The following SH3KBP1 variants were observed in gnomAD, a reference collection of about 807,000 sequenced individuals.
SH3KBP1 encodes the protein SH3 domain-containing kinase-binding protein 1.
In SH3KBP1, 8 loss-of-function variants were observed where a neutral mutation model predicts 50.1. That is an observed-to-expected ratio of 0.16 (90% CI 0.09 to 0.29). SH3KBP1 has a LOEUF of 0.29. SH3KBP1 is among the 10% of genes least tolerant of loss of function. SH3KBP1 has a pLI of 1.00. For synonymous variants in SH3KBP1, 227 were observed against 218.6 expected, an observed-to-expected ratio of 1.04 and a Z score of -0.34; for missense variants, 377 against 535.2, an observed-to-expected ratio of 0.70 and a Z score of 2.92.
rs774476592 is a variant in SH3KBP1 at position 19,696,024 on chromosome X, C to T, written c.391-283G>A. Reference sequence around the variant, plus strand: ...ATTTGGCATCTGCTTTGGTTATGAACGTAGGGTAGGTAACACACCAATATT... The same window carrying T: ...ATTTGGCATCTGCTTTGGTTATGAATGTAGGGTAGGTAACACACCAATATT... On this transcript the variant is annotated intron_variant, in intron 4 of 17. Coordinates refer to ENST00000397821, the MANE Select transcript of SH3KBP1 (RefSeq NM_031892.3). Among the ~76,000 whole-genome samples, 11 of 111,921 alleles carry T rather than the reference C, an allele frequency of 9.8e-5. No individual in the cohort carries two copies. The South Asian group carries it at 1.5e-3, about 15-fold the overall frequency.
intron 6 of SH3KBP1, among the ~76,000 whole-genome samples, chrX:19,657,314 A>G (rs1443241518): frequency 1.9e-5 from 2 of 103,859 alleles, no homozygotes; most frequent in Non-Finnish European, 3.9e-5. Context: ...CAGGAAGTTG[A>G]GGTTGCAGTG....
chrX:19,653,300 T>C (rs986493380), intron 6 of SH3KBP1, among the ~76,000 whole-genome samples: 3 of 112,194 alleles, frequency 2.7e-5, no homozygotes, highest in Non-Finnish European at 5.6e-5. Flanking sequence ...AATAATTTTA[T>C]AGACAAAGAT....
At chrX:19,653,707 T>A (rs2062188003) in intron 6 of SH3KBP1, among the ~76,000 whole-genome samples, 1 of 108,120 alleles carries the variant, frequency 9.2e-6, no homozygotes, top group African/African-American at 3.4e-5. Context: ...TAAGACTACG[T>A]CTGAATATAT....
At chrX:19,851,124 G>T (rs1042581365) in intron 1 of SH3KBP1, among the ~76,000 whole-genome samples, 1 of 111,666 alleles carries the variant, frequency 9.0e-6, no homozygotes, top group South Asian at 3.8e-4. Flanking sequence ...AATCCCTTTT[G>T]CAGAAAGAGA....
Position 19,744,357 on chromosome X carries a change from G to C in SH3KBP1, c.286+1961C>G, listed in dbSNP as rs6633300. Among the ~76,000 whole-genome samples the C allele has an allele frequency of 5.4e-4, 61 of 111,966 alleles. 2 individuals are homozygous for C. In the East Asian group the frequency reaches 0.014, roughly 26 times the overall value. Reference sequence around the variant, plus strand: ...TGAACTATTTATCTGGCCTGACAAGGCCAATCAATCTACCCCCGCTGTTTA... The same window carrying C: ...TGAACTATTTATCTGGCCTGACAAGCCCAATCAATCTACCCCCGCTGTTTA... On this transcript the variant is annotated intron_variant, in intron 3 of 17. Coordinates refer to ENST00000397821, the MANE Select transcript of SH3KBP1 (RefSeq NM_031892.3).
intron 9 of SH3KBP1, among the ~76,000 whole-genome samples, chrX:19,595,427 CA>C (rs751443894): frequency 8.9e-6 from 1 of 112,492 alleles, no homozygotes; most frequent in Non-Finnish European, 1.9e-5. Flanking sequence ...GGACTCTCAA[CA>C]AAATGCAGGC....
At chrX:19,831,063 C>G (rs761574017) in intron 2 of SH3KBP1, among the ~76,000 whole-genome samples, 113 of 111,615 alleles carry the variant, frequency 1.0e-3, no homozygotes, top group Non-Finnish European at 1.9e-3. Context: ...GATACGAATC[C>G]CAACACTCTG....
intron 2 of SH3KBP1, among the ~76,000 whole-genome samples, chrX:19,781,781 G>A: frequency 9.0e-6 from 1 of 111,609 alleles, no homozygotes; most frequent in Non-Finnish European, 1.9e-5. Context: ...AGCATTTTAT[G>A]ATGATGGTTG....
At chrX:19,738,783 G>A (rs2064678964) in intron 3 of SH3KBP1, among the ~76,000 whole-genome samples, 1 of 107,662 alleles carries the variant, frequency 9.3e-6, no homozygotes, top group African/African-American at 3.4e-5. Flanking sequence ...GGCCGAGGCT[G>A]GGGGATGACT....
chrX:19,639,679 G>A (rs898508710), intron 7 of SH3KBP1, among the ~76,000 whole-genome samples: 1 of 110,445 alleles, frequency 9.1e-6, no homozygotes, highest in Non-Finnish European at 1.9e-5. Flanking sequence ...GGGTACCCCT[G>A]GGACATCAAG....
intron 2 of SH3KBP1, among the ~76,000 whole-genome samples, chrX:19,773,121 G>A (rs1247255795): frequency 9.0e-6 from 1 of 110,609 alleles, no homozygotes; most frequent in Non-Finnish European, 1.9e-5. Context: ...GACACAAATA[G>A]GAGAGAAACC....
intron 9 of SH3KBP1, among the ~76,000 whole-genome samples, chrX:19,605,172 C>G (rs900183105): frequency 1.8e-4 from 20 of 110,605 alleles, no homozygotes; most frequent in African/African-American, 3.3e-4. Context: ...ACTGCCCCCC[C>G]CCAAGACATG....
At chrX:19,597,270 T>C (rs1482848872) in intron 9 of SH3KBP1, among the ~76,000 whole-genome samples, 2 of 111,886 alleles carry the variant, frequency 1.8e-5, no homozygotes, top group Admixed American at 1.9e-4. Context: ...TAAGCAGTAA[T>C]ATTTTGAAAG....
At chrX:19,731,528 T>C (rs1350358059) in intron 3 of SH3KBP1, among the ~76,000 whole-genome samples, 2 of 111,603 alleles carry the variant, frequency 1.8e-5, no homozygotes, top group African/African-American at 6.5e-5. Flanking sequence ...GGCCAAGACC[T>C]AGGTTTAGTA....
chrX:19,575,629 A>G (rs1488750990), intron 12 of SH3KBP1, among the ~76,000 whole-genome samples: 2 of 111,785 alleles, frequency 1.8e-5, no homozygotes, highest in Non-Finnish European at 3.8e-5. Context: ...ACCTATTTTG[A>G]AAACACAGTA....
chrX:19,828,214 T>G (rs2067747622), intron 2 of SH3KBP1, among the ~76,000 whole-genome samples: 1 of 111,480 alleles, frequency 9.0e-6, no homozygotes, highest in African/African-American at 3.3e-5. Flanking sequence ...TGAACCAGTT[T>G]TGAACCTAAC....
chrX:19,641,903 G>A (rs186913527), intron 7 of SH3KBP1, among the ~76,000 whole-genome samples: 100 of 111,822 alleles, frequency 8.9e-4, no homozygotes, highest in African/African-American at 3.3e-3. Flanking sequence ...GCAGTGGCAC[G>A]GTCGTGGCTC....
At chrX:19,810,441 AT>A (rs2067172497) in intron 2 of SH3KBP1, among the ~76,000 whole-genome samples, 2 of 112,452 alleles carry the variant, frequency 1.8e-5, no homozygotes, top group Non-Finnish European at 3.8e-5. Context: ...GGCTTTAATT[AT>A]CCTGTGTGGC....
chrX:19,728,893 C>G (rs1432298492), intron 3 of SH3KBP1, among the ~76,000 whole-genome samples: 1 of 112,165 alleles, frequency 8.9e-6, no homozygotes, highest in Non-Finnish European at 1.9e-5. Context: ...TGAAGACATA[C>G]TAGAAACTTC....
Sources: allele counts gnomAD v4.1 joint callset (sites outside exome capture counted in the v4.1 genomes callset), GRCh38; gene constraint gnomAD v4.1.1; transcripts MANE v1.5; gene names NCBI Gene and HGNC (gene_info 2026-07-23, HGNC 2026-07-21).